DCPS: variants seen among roughly 807,000 people sequenced by gnomAD.
DCPS encodes m7GpppX diphosphatase.
Under a neutral mutation model 34.7 loss-of-function variants are expected in DCPS, and 27 were observed. The observed-to-expected ratio is 0.78, with a 90% CI of 0.57 to 1.07. The LOEUF (loss-of-function observed/expected upper bound fraction) is 1.07. DCPS is among the 50% of genes least tolerant of loss of function. DCPS has a pLI of 0.00. For missense variants in DCPS, 464 were observed against 436.9 expected, an observed-to-expected ratio of 1.06 and a Z score of -0.55; for synonymous variants, 185 against 185.7, an observed-to-expected ratio of 1.00 and a Z score of 0.03.
chr11:126,336,253 C>T lies in DCPS; in HGVS notation c.523-2033C>T, dbSNP rs192578466. Reference sequence around the variant, plus strand: ...CCTGCAGTCACTCGTCCTCCAGCCCCGCTCTTATTTCCTCTCTCACCACCT... The same window carrying T: ...CCTGCAGTCACTCGTCCTCCAGCCCTGCTCTTATTTCCTCTCTCACCACCT... On this transcript the variant is annotated intron_variant, in intron 3 of 5. Coordinates refer to ENST00000263579, the MANE Select transcript of DCPS (RefSeq NM_014026.6). This position sits in a 1 kb window ranked among gnomAD's most constrained non-coding sequence, Gnocchi z 6.3. 3.3e-3 allele frequency among the ~76,000 whole-genome samples: 510 copies of T among 152,278 alleles called. 1 individual carries two copies. The highest frequency in any genetic ancestry group is 0.013 in the South Asian group (61 of 4,820).
chr11:126,308,779 C>A (rs1204358741), intron 2 of DCPS, among the ~76,000 whole-genome samples: 1 of 147,898 alleles, frequency 6.8e-6, no homozygotes, highest in African/African-American at 2.5e-5. Flanking sequence ...ACAGATGAAC[C>A]CTGTGGAATT....
Position 126,315,078 on chromosome 11 carries a change from A to C in DCPS, c.376+8334A>C, listed in dbSNP as rs1272821368. Among the ~76,000 whole-genome samples, 1 of 152,120 alleles carries C rather than the reference A, an allele frequency of 6.6e-6. No individual in the cohort carries two copies. The highest frequency in any genetic ancestry group is 2.4e-5 in the African/African-American group (1 of 41,344). ...TTCATGATAGCAAAGACATGGAATC[A>C]ACCTAAATGCCCACTTGAGGGTGGA... On this transcript the variant is annotated intron_variant, in intron 2 of 5. Coordinates refer to ENST00000263579, the MANE Select transcript of DCPS (RefSeq NM_014026.6). This position sits in a 1 kb window ranked among gnomAD's most constrained non-coding sequence, Gnocchi z 6.1.
chr11:126,326,394 G>A (rs2135322830), intron 2 of DCPS, among the ~76,000 whole-genome samples: 1 of 152,298 alleles, frequency 6.6e-6, no homozygotes, highest in East Asian at 1.9e-4. Flanking sequence ...GTGGGTCCTT[G>A]GGGGCCACTC....
In DCPS at chr11:126,323,192, T is replaced by A. The variant is rs76583658; in HGVS notation, c.377-8213T>A. ...TTCAGATGTTTCAAGTCTCAAAATA[T>A]ATCTTGCTTGCACCATGTCTCTGGG... On this transcript the variant is annotated intron_variant, in intron 2 of 5. Coordinates refer to ENST00000263579, the MANE Select transcript of DCPS (RefSeq NM_014026.6). This position sits in a 1 kb window ranked among gnomAD's most constrained non-coding sequence, Gnocchi z 4.4. Among the ~76,000 whole-genome samples the A allele has an allele frequency of 6.6e-6, 1 of 152,356 alleles. No individual in the cohort carries two copies. Among genetic ancestry groups the A allele is most frequent in the African/African-American group, 2.4e-5 (1 of 41,592 alleles).
At chr11:126,318,326 A>G (rs1211530359) in intron 2 of DCPS, among the ~76,000 whole-genome samples, 2 of 152,284 alleles carry the variant, frequency 1.3e-5, no homozygotes, top group East Asian at 1.9e-4. Flanking sequence ...GAGCACTTTC[A>G]GTATTTCTGT....
At chr11:126,309,073 G>A (rs976924577) in intron 2 of DCPS, among the ~76,000 whole-genome samples, 3 of 147,006 alleles carry the variant, frequency 2.0e-5, no homozygotes, top group African/African-American at 7.6e-5. Context: ...CACCCAGACT[G>A]GAGTGCAATG....
At chr11:126,317,955 C>A (rs1951675174) in intron 2 of DCPS, among the ~76,000 whole-genome samples, 1 of 152,182 alleles carries the variant, frequency 6.6e-6, no homozygotes, top group African/African-American at 2.4e-5. Context: ...AACTGAGGGC[C>A]TCTCCTGCCA....
rs1056463235 is a variant in DCPS at position 126,335,273 on chromosome 11, A to G, written c.523-3013A>G. The stretch of plus-strand genomic sequence containing the variant: ...AGAGAGGGTACCGAGGGAGCTGCCA[A>G]TGTCACCTACTGCAAAGAAGTCCAG... On this transcript the variant is annotated intron_variant, in intron 3 of 5. Coordinates refer to ENST00000263579, the MANE Select transcript of DCPS (RefSeq NM_014026.6). The surrounding 1 kb of genome is among the most constrained non-coding windows in gnomAD (Gnocchi z 4.8). 2.0e-5 allele frequency among the ~76,000 whole-genome samples: 3 copies of G among 152,372 alleles called. No homozygotes were observed. The highest frequency in any genetic ancestry group is 1.5e-5 in the Non-Finnish European group (1 of 68,036).
rs540429411 is a variant in DCPS, at chr11:126,316,705, T to C, written c.376+9961T>C. Among the ~76,000 whole-genome samples, 53 of 151,886 alleles carry C rather than the reference T, an allele frequency of 3.5e-4. 1 individual carries two copies. The highest frequency in any genetic ancestry group is 1.3e-3 in the African/African-American group (52 of 41,302). ...TCTCGCTCTGTCGCTCAGGCTGTAG[T>C]GCGGTGGCGTCGTGATCTCAGCTGA... On this transcript the variant is annotated intron_variant, in intron 2 of 5. Coordinates refer to ENST00000263579, the MANE Select transcript of DCPS (RefSeq NM_014026.6).
chr11:126,320,847 A>T lies in DCPS; in HGVS notation c.377-10558A>T, dbSNP rs949287341. Among the ~76,000 whole-genome samples, 6 of 152,166 alleles carry T rather than the reference A, an allele frequency of 3.9e-5. No homozygotes were observed. Among genetic ancestry groups the T allele is most frequent in the African/African-American group, 1.4e-4 (6 of 41,442 alleles). On this transcript the variant is annotated intron_variant, in intron 2 of 5. Transcript: ENST00000263579. The surrounding 1 kb of genome is among the most constrained non-coding windows in gnomAD (Gnocchi z 4.7). ...ATACGTAGGGAGGAGCAGTAACTGG[A>T]TCTGAGAGATGACACCTTGGCCAGC...
chr11:126,330,854 A>G (rs1453825395), intron 2 of DCPS, among the ~76,000 whole-genome samples: 1 of 147,358 alleles, frequency 6.8e-6, no homozygotes, highest in Non-Finnish European at 1.5e-5. Flanking sequence ...CTCCCGCCTC[A>G]GCCTCCTGAG....
rs1273874291 is a variant in DCPS at position 126,315,214 on chromosome 11, CA to C, written c.376+8473del. 6.6e-6 allele frequency among the ~76,000 whole-genome samples: 1 copy of C among 151,884 alleles called. No individual in the cohort carries two copies. The highest frequency in any genetic ancestry group is 1.5e-5 in the Non-Finnish European group (1 of 67,980). On this transcript the variant is annotated intron_variant, in intron 2 of 5. Coordinates refer to ENST00000263579, the MANE Select transcript of DCPS (RefSeq NM_014026.6). This position sits in a 1 kb window ranked among gnomAD's most constrained non-coding sequence, Gnocchi z 6.1. Reference sequence around the variant, plus strand: ...CCCTGCGAGACAATTTACCTGTAAACAAAGCTGTACATGTACCCTTTAACCT... The same window carrying C: ...CCCTGCGAGACAATTTACCTGTAAACAAGCTGTACATGTACCCTTTAACCT...
chr11:126,306,768 G>T, intron 2 of DCPS, 24 bp downstream of exon 2: 1 of 1,580,946 alleles, frequency 6.3e-7, no homozygotes, highest in Non-Finnish European at 8.7e-7. Context: ...GGCCAGGGTG[G>T]CTGTATGGAG....
chr11:126,343,212 G>T, intron 4 of DCPS, 95 bp from the exon 5 acceptor site: 1 of 961,146 alleles, frequency 1.0e-6, no homozygotes, highest in Non-Finnish European at 1.6e-6. Context: ...GGCCTCAGGG[G>T]TGGGTGCTTC....
At position 126,345,480 on chromosome 11, in the gene DCPS, G is replaced by C. The variant is rs199813170; in HGVS notation, c.881G>C (p.Arg294Pro). ...GFEAPGSGVE[R>P]AHLLAEVIEN... ...GAGGCCCCCGGCTCAGGCGTGGAGC[G>C]GGCCCACCTGCTGGCTGAGGTGATC... Residue 294 changes from arginine to proline, a missense_variant, in exon 6 of 6, where the codon CGG becomes CCG. Physicochemically the swap from Arg to Pro is moderately radical, Grantham distance 103 (BLOSUM62 -2). Coordinates refer to ENST00000263579, the MANE Select transcript of DCPS (RefSeq NM_014026.6). This position sits in a 1 kb window ranked among gnomAD's most constrained non-coding sequence, Gnocchi z 7.4. The C allele has an allele frequency of 3.7e-6, 6 of 1,614,008 alleles. No homozygotes were observed. The highest frequency in any genetic ancestry group is 5.1e-6 in the Non-Finnish European group (6 of 1,180,020).
chr11:126,327,786 C>T lies in DCPS; in HGVS notation c.377-3619C>T, dbSNP rs1951751797. Among the ~76,000 whole-genome samples, 2 of 152,244 alleles carry T rather than the reference C, an allele frequency of 1.3e-5. No homozygotes were observed. The highest frequency in any genetic ancestry group is 2.4e-5 in the African/African-American group (1 of 41,464). On this transcript the variant is annotated intron_variant, in intron 2 of 5. Coordinates refer to ENST00000263579, the MANE Select transcript of DCPS (RefSeq NM_014026.6). This position sits in a 1 kb window ranked among gnomAD's most constrained non-coding sequence, Gnocchi z 4.1. ...CCAGATTCATTGATTCATTTGTTCA[C>T]TAAGTATTTACTGAGTGCTTACTGT... is the stretch of plus-strand genomic sequence containing the variant.
Position 126,325,306 on chromosome 11 carries a change from A to G in DCPS, c.377-6099A>G, listed in dbSNP as rs959883301. On this transcript the variant is annotated intron_variant, in intron 2 of 5. Transcript: ENST00000263579. The surrounding 1 kb of genome is among the most constrained non-coding windows in gnomAD (Gnocchi z 4.3). ...GGCAGTGAACAGCATTTACATCATCATCATAGCATCAGTGTTGAATACTGA... is the reference window on the plus strand; with the variant it reads ...GGCAGTGAACAGCATTTACATCATCGTCATAGCATCAGTGTTGAATACTGA... Among the ~76,000 whole-genome samples the G allele has an allele frequency of 1.3e-5, 2 of 152,246 alleles. No homozygotes were observed. The highest frequency in any genetic ancestry group is 2.4e-5 in the African/African-American group (1 of 41,462).
intron 2 of DCPS, among the ~76,000 whole-genome samples, chr11:126,308,997 G>A (rs920779948): frequency 6.7e-6 from 1 of 149,112 alleles, no homozygotes; most frequent in East Asian, 2.0e-4. Flanking sequence ...AGCCTCAGAT[G>A]TTAGTTCATC....
intron 2 of DCPS, among the ~76,000 whole-genome samples, chr11:126,308,945 C>T (rs1951596480): frequency 6.6e-6 from 1 of 152,080 alleles, no homozygotes; most frequent in Non-Finnish European, 1.5e-5. Flanking sequence ...TGTTCCCACT[C>T]AGAACCCCAG....
Sources: allele counts gnomAD v4.1 joint callset (sites outside exome capture counted in the v4.1 genomes callset), GRCh38; gene constraint gnomAD v4.1.1; non-coding constraint Gnocchi (gnomAD v3.1); transcripts MANE v1.5; gene names NCBI Gene and HGNC (gene_info 2026-07-23, HGNC 2026-07-21).